The following NPAT variants were observed in gnomAD, a reference collection of about 807,000 sequenced individuals.
NPAT encodes protein NPAT.
NPAT carries 52 observed loss-of-function variants against 130.7 expected under a neutral mutation model. The observed-to-expected ratio is 0.40, with a 90% CI of 0.32 to 0.50. The LOEUF is 0.50. NPAT is among the 20% of genes least tolerant of loss of function. The pLI, the probability that NPAT is intolerant of heterozygous loss-of-function variation, is 0.68. For synonymous variants in NPAT, 580 were observed against 584.8 expected (o/e 0.99, Z 0.12); for missense variants, 1,687 against 1,662.6 (o/e 1.01, Z -0.26).
At chr11:108,191,713 T>C (rs527716943) in intron 4 of NPAT, among the ~76,000 whole-genome samples, 14 of 152,328 alleles carry the variant, frequency 9.2e-5, no homozygotes, top group Admixed American at 7.8e-4. Context: ...AGAATTAGCA[T>C]TATTCTTCAA....
intron 10 of NPAT, among the ~76,000 whole-genome samples, chr11:108,182,351 A>G (rs2078065983): frequency 1.3e-5 from 2 of 152,182 alleles, no homozygotes; most frequent in African/African-American, 4.8e-5. Flanking sequence ...CTGAAGCATC[A>G]TGACCCCTGG....
intron 1 of NPAT, among the ~76,000 whole-genome samples, chr11:108,221,204 C>T (rs1244350738): frequency 1.3e-5 from 2 of 152,082 alleles, no homozygotes; most frequent in Admixed American, 6.6e-5. Flanking sequence ...GGGTGGGGAA[C>T]GGGTGTCCTA....
chr11:108,207,833 G>A (rs1032371334), intron 1 of NPAT, among the ~76,000 whole-genome samples: 1 of 152,196 alleles, frequency 6.6e-6, no homozygotes, highest in Non-Finnish European at 1.5e-5. Flanking sequence ...GCACCCATCT[G>A]TTCCCAGCTC....
rs1421484248 is a variant in NPAT at position 108,157,390 on chromosome 11, T to A, written c.*1552A>T. 2 of 152,134 alleles carry A rather than the reference T, an allele frequency of 1.3e-5. No individual in the cohort carries two copies. Among genetic ancestry groups the A allele is most frequent in the Non-Finnish European group, 2.9e-5 (2 of 67,992 alleles). 9.4% of individuals were successfully genotyped at this position (152,134 alleles called of 1,614,324 possible). A position where few individuals can be genotyped will look rare whatever the true frequency, so the allele number is the denominator to read the frequency against. ...ACTGCCAATGTAAAGTAATTCAAAC[T>A]TTTGAAGTTAATGAAAATATTTATT... On this transcript the variant is annotated 3_prime_UTR_variant, in exon 18 of 18. Transcript: ENST00000278612.
intron 1 of NPAT, chr11:108,208,347 TG>T: frequency 2.7e-6 from 1 of 374,106 alleles, no homozygotes; most frequent in East Asian, 8.8e-5. Flanking sequence ...TAGCTCACTT[TG>T]GGGAGGCTGA....
intron 4 of NPAT, among the ~76,000 whole-genome samples, chr11:108,191,365 GAATT>G (rs1248343476): frequency 6.6e-6 from 1 of 152,148 alleles, no homozygotes; most frequent in African/African-American, 2.4e-5. Flanking sequence ...CTTTTAGTAT[GAATT>G]AGAGTGGCCC....
rs749295073 is a variant in NPAT, at chr11:108,161,775, G to C, written c.3311C>G (p.Ser1104Cys). 1.2e-6 allele frequency: 2 copies of C among 1,613,876 alleles called. No homozygotes were observed. Among genetic ancestry groups the C allele is most frequent in the Non-Finnish European group, 1.7e-6 (2 of 1,180,034 alleles). The stretch of plus-strand genomic sequence containing the variant: ...ATTAGAAGGGGGTTTTAAGGTGGAG[G>C]ACACATTGGGTGAGTCAAGATTAGG... ...SFPNLDSPNV[S>C]STLKPPSNNA... is the part of the protein sequence containing the mutation. The change falls in exon 17 of 18, where the codon TCC becomes TGC. Residue 1104 changes from serine (S) to cysteine (C), a missense_variant. This residue lies in a region of NPAT where 1,379 missense variants were observed against 1,346.6 expected (regional missense o/e 1.02). Transcript: ENST00000278612.
In NPAT at chr11:108,172,311, A is replaced by C. The variant is rs1447297846; in HGVS notation, c.2673T>G (p.Pro891=). Residue 891 remains proline (P), a synonymous_variant, in exon 13 of 18, where the codon CCT becomes CCG. Transcript: ENST00000278612. ...GAGCAGTCATAGGTGCAGAATTTCC[A>C]GGCAACACCACTACATTAGACTGAC... ...SVSQSNVVVL[P]GNSAPMTAQP... 6.2e-6 allele frequency: 10 copies of C among 1,614,202 alleles called. No homozygotes were observed. The highest frequency in any genetic ancestry group is 1.7e-5 in the Admixed American group (1 of 60,022).
chr11:108,163,508 A>G (rs1422964307), intron 15 of NPAT, among the ~76,000 whole-genome samples: 1 of 152,222 alleles, frequency 6.6e-6, no homozygotes, highest in Non-Finnish European at 1.5e-5. Flanking sequence ...AGATGGCTAT[A>G]TTCCAGGTAA....
At chr11:108,171,170 A>G (rs6589008) in intron 13 of NPAT, 81,482 of 136,732 alleles carry the variant, frequency 0.6, 24,172 homozygotes, top group Middle Eastern at 0.78. Context: ...TTACTCTGTC[A>G]CCCAGGCTGA....
chr11:108,175,425 T>C lies in NPAT; in HGVS notation c.1132+821A>G, dbSNP rs117631590. Among the ~76,000 whole-genome samples, 646 of 152,310 alleles carry C rather than the reference T, an allele frequency of 4.2e-3. 5 individuals are homozygous for C. The highest frequency in any genetic ancestry group is 0.01 in the East Asian group (54 of 5,176). On this transcript the variant is annotated intron_variant, in intron 12 of 17. Transcript: ENST00000278612. ...AGTACAGAGCACATCTGAATCCTTA[T>C]TGTGGGGAAAACAGTAGAAATTGTA...
chr11:108,211,502 C>T (rs1439449088), intron 1 of NPAT, among the ~76,000 whole-genome samples: 1 of 150,196 alleles, frequency 6.7e-6, no homozygotes, highest in Non-Finnish European at 1.5e-5. Flanking sequence ...ATGATTGGGC[C>T]ACTGCACTCC....
At chr11:108,189,864 C>T (rs1260077762) in intron 5 of NPAT, among the ~76,000 whole-genome samples, 2 of 129,896 alleles carry the variant, frequency 1.5e-5, no homozygotes, top group African/African-American at 3.0e-5. Flanking sequence ...AGCGAGACTC[C>T]GTCTCAAAAA....
intron 1 of NPAT, among the ~76,000 whole-genome samples, chr11:108,210,663 CAAG>C (rs901117163): frequency 6.6e-6 from 1 of 152,144 alleles, no homozygotes; most frequent in Non-Finnish European, 1.5e-5. Context: ...AGAACTGACT[CAAG>C]AAGAAACAGA....
chr11:108,212,927 C>T (rs1384181834), intron 1 of NPAT, among the ~76,000 whole-genome samples: 1 of 101,038 alleles, frequency 9.9e-6, no homozygotes, highest in African/African-American at 4.0e-5. Context: ...GCCTGGGCAA[C>T]AGAGCAAGAC....
At position 108,161,169 on chromosome 11, in the gene NPAT, A is replaced by G. The variant is rs759810136; in HGVS notation, c.3917T>C (p.Val1306Ala). 8 of 1,613,888 alleles carry G rather than the reference A, an allele frequency of 5.0e-6. No individual in the cohort carries two copies. The South Asian group carries it at 8.8e-5, about 18-fold the overall frequency. Residue 1306 changes from valine to alanine, a missense_variant, in exon 17 of 18, where the codon GTC (valine) becomes GCC (alanine). This residue lies in a region of NPAT where 1,379 missense variants were observed against 1,346.6 expected (regional missense o/e 1.02). Coordinates refer to ENST00000278612, the MANE Select transcript of NPAT (RefSeq NM_002519.3). ...SEDSSTSKVM[V>A]PPVTPDLPAC... ...AGGCAAGTCTGGGGTGACAGGAGGG[A>G]CCATTACTTTTGATGTACTACTGTC...
intron 10 of NPAT, among the ~76,000 whole-genome samples, chr11:108,181,289 C>A (rs1229090019): frequency 6.6e-6 from 1 of 152,156 alleles, no homozygotes; most frequent in South Asian, 2.1e-4. Context: ...CATGGCAAAA[C>A]CCTGTCTCTA....
Position 108,216,106 on chromosome 11 carries a change from T to A in NPAT, c.37+6394A>T, listed in dbSNP as rs1003335885. On this transcript the variant is annotated intron_variant, in intron 1 of 17. Transcript: ENST00000278612. ...AAAATTTAAAACTTCTACAGACTAT[T>A]AGAATCACCTTAAAATTAGGACAGT... 1.2e-4 allele frequency among the ~76,000 whole-genome samples: 18 copies of A among 150,902 alleles called. 1 individual carries two copies. The highest frequency in any genetic ancestry group is 2.5e-4 in the Non-Finnish European group (17 of 68,028).
chr11:108,183,949 G>A (rs1414785421), intron 10 of NPAT, among the ~76,000 whole-genome samples: 2 of 146,664 alleles, frequency 1.4e-5, no homozygotes, highest in African/African-American at 5.1e-5. Flanking sequence ...ACTCAAGCCC[G>A]GGCAACAAAG....
Sources: allele counts gnomAD v4.1 joint callset (sites outside exome capture counted in the v4.1 genomes callset), GRCh38; gene constraint gnomAD v4.1.1; regional missense constraint gnomAD v4.1.1; transcripts MANE v1.5; gene names NCBI Gene and HGNC (gene_info 2026-07-23, HGNC 2026-07-21).